LRP1B: variants seen among roughly 807,000 people sequenced by gnomAD.
LRP1B encodes the protein LDL receptor related protein 1B, also known as low-density lipoprotein receptor-related protein 1B.
LRP1B carries 217 observed loss-of-function variants against 556.6 expected under a neutral mutation model. The ratio of observed to expected loss-of-function variants is 0.39; its 90% CI spans 0.35 to 0.44. The LOEUF (loss-of-function observed/expected upper bound fraction) is 0.44, where lower values mean the gene tolerates loss of function less well. Among genes scored for constraint, LRP1B ranks in the 20% least tolerant of loss-of-function variants. The pLI, the probability that LRP1B is intolerant of heterozygous loss-of-function variation, is 1.00. For synonymous variants in LRP1B, 2,047 were observed against 1,865.8 expected (o/e 1.10, Z -2.50); for missense variants, 5,053 against 5,620.8 (o/e 0.90, Z 3.23).
At position 140,997,100 on chromosome 2, in the gene LRP1B, A is replaced by G. The variant is rs368099460; in HGVS notation, c.2504-2965T>C. Among the ~76,000 whole-genome samples, 8 of 152,010 alleles carry G rather than the reference A, an allele frequency of 5.3e-5. No individual in the cohort carries two copies. The East Asian group carries it at 1.5e-3, about 29-fold the overall frequency. On this transcript the variant is annotated intron_variant, in intron 15 of 90. Transcript: ENST00000389484. ...AAAAATTCTACAGTATGATCTCACC[A>G]ATAAAAAATTGACAAAGTAATAAAT...
intron 2 of LRP1B, among the ~76,000 whole-genome samples, chr2:141,677,352 C>A (rs1038270091): frequency 2.0e-5 from 3 of 152,024 alleles, no homozygotes; most frequent in Non-Finnish European, 4.4e-5. Flanking sequence ...CCATATTGTG[C>A]AAAGTTTGTC....
At chr2:141,117,483 G>A (rs1287974108) in intron 7 of LRP1B, among the ~76,000 whole-genome samples, 1 of 151,670 alleles carries the variant, frequency 6.6e-6, no homozygotes, top group Admixed American at 6.6e-5. Context: ...AAATAAGAAA[G>A]CAATTACACA....
intron 67 of LRP1B, among the ~76,000 whole-genome samples, chr2:140,382,152 T>C (rs1424333161): frequency 6.6e-6 from 1 of 152,202 alleles, no homozygotes; most frequent in Non-Finnish European, 1.5e-5. Flanking sequence ...ATGTCGATGT[T>C]AGCATTTGAC....
Position 141,735,451 on chromosome 2 carries a change from G to A in LRP1B, c.205+74828C>T, listed in dbSNP as rs117617668. ...ATTCACACATTTTCCAATAGAAGAT[G>A]GAACTATAAGCAAATCAAGGCAAAG... On this transcript the variant is annotated intron_variant, in intron 2 of 90. Transcript: ENST00000389484. Among the ~76,000 whole-genome samples, 28 of 131,958 alleles carry A rather than the reference G, an allele frequency of 2.1e-4. No individual in the cohort carries two copies. The East Asian group carries it at 6.7e-3, about 32-fold the overall frequency. The allele number at this position is 131,958 out of a possible 152,430, so 86.6% of individuals were successfully genotyped here. A position where few individuals can be genotyped will look rare whatever the true frequency, so the allele number is the denominator to read the frequency against.
intron 41 of LRP1B, among the ~76,000 whole-genome samples, chr2:140,606,849 T>A (rs752537004): frequency 6.6e-5 from 10 of 151,810 alleles, no homozygotes; most frequent in Non-Finnish European, 1.5e-4. Context: ...ATGATGAAAC[T>A]CTTAGGATAA....
chr2:140,250,452 A>G (rs890954719), intron 86 of LRP1B, among the ~76,000 whole-genome samples: 3 of 151,766 alleles, frequency 2.0e-5, no homozygotes, highest in Non-Finnish European at 2.9e-5. Flanking sequence ...AAATGAAGGT[A>G]CTGCTCTTAG....
intron 2 of LRP1B, among the ~76,000 whole-genome samples, chr2:141,583,925 C>G (rs550482682): frequency 6.9e-6 from 1 of 145,752 alleles, no homozygotes; most frequent in Admixed American, 6.7e-5. Context: ...TTTTTAGTAG[C>G]GATGGGGTTT....
rs543180121 is a variant in LRP1B at position 140,283,747 on chromosome 2, C to G, written c.12968-9149G>C. On this transcript the variant is annotated intron_variant, in intron 84 of 90. Coordinates refer to ENST00000389484, the MANE Select transcript of LRP1B (RefSeq NM_018557.3). ...AATAGTTTTCAAAATAGTCAAAAAT[C>G]AACTCATAGAGCTATCATAACAATG... 8.6e-5 allele frequency among the ~76,000 whole-genome samples: 13 copies of G among 151,848 alleles called. No individual in the cohort carries two copies. In the South Asian group the frequency reaches 1.5e-3, roughly 17 times the overall value.
intron 67 of LRP1B, among the ~76,000 whole-genome samples, chr2:140,385,135 G>A (rs1465621808): frequency 6.6e-6 from 1 of 152,056 alleles, no homozygotes; most frequent in African/African-American, 2.4e-5. Flanking sequence ...CGTAGTCCCA[G>A]CTGGAAGGTT....
At chr2:141,269,410 C>A (rs1685005945) in intron 3 of LRP1B, among the ~76,000 whole-genome samples, 1 of 152,216 alleles carries the variant, frequency 6.6e-6, no homozygotes, top group Non-Finnish European at 1.5e-5. Flanking sequence ...ACTAATAGAA[C>A]AATCAGCTGA....
chr2:140,591,221 C>T lies in LRP1B; in HGVS notation c.7194+7410G>A, dbSNP rs1009214245. Among the ~76,000 whole-genome samples the T allele has an allele frequency of 1.6e-4, 24 of 152,180 alleles. 1 individual carries two copies. Among genetic ancestry groups the T allele is most frequent in the South Asian group, 1.0e-3 (5 of 4,830 alleles). ...CAACAAAACGTCCGATATCCAGCAG[C>T]CTCTCAGAATTTAGTAGATAATGGG... On this transcript the variant is annotated intron_variant, in intron 43 of 90. Coordinates refer to ENST00000389484, the MANE Select transcript of LRP1B (RefSeq NM_018557.3).
chr2:141,759,088 C>T (rs944305954), intron 2 of LRP1B, among the ~76,000 whole-genome samples: 4 of 151,798 alleles, frequency 2.6e-5, no homozygotes, highest in Non-Finnish European at 5.9e-5. Flanking sequence ...TAAAAAATGA[C>T]AAAAAATAAA....
chr2:140,456,673 A>C (rs1160975998), intron 61 of LRP1B, 70 bp from the exon 62 acceptor site: 4 of 1,393,358 alleles, frequency 2.9e-6, no homozygotes, highest in Admixed American at 2.1e-5. Flanking sequence ...ATGGGATTAG[A>C]GATAGGACTT....
chr2:140,745,285 G>A (rs886916894), intron 35 of LRP1B, among the ~76,000 whole-genome samples: 1 of 152,084 alleles, frequency 6.6e-6, no homozygotes, highest in African/African-American at 2.4e-5. Context: ...CCCTTTCAAA[G>A]TAATCAACTA....
Position 142,096,439 on chromosome 2 carries a change from A to ATTTT in LRP1B, c.82+34205_82+34208dup, listed in dbSNP as rs10631216. Among the ~76,000 whole-genome samples the ATTTT allele has an allele frequency of 4.8e-5, 7 of 146,832 alleles. 1 individual carries two copies. The highest frequency in any genetic ancestry group is 3.4e-4 in the Admixed American group (5 of 14,622). The stretch of plus-strand genomic sequence containing the variant: ...TCACATGACCACGAAAATAAATTGT[A>ATTTT]TTTTTTTTTTTTTACAAATTCTATT... On this transcript the variant is annotated intron_variant, in intron 1 of 90. Transcript: ENST00000389484.
chr2:141,268,628 T>G (rs1213337468), intron 3 of LRP1B, among the ~76,000 whole-genome samples: 1 of 152,096 alleles, frequency 6.6e-6, no homozygotes, highest in African/African-American at 2.4e-5. Context: ...TTAACACCCC[T>G]GAGAATAGTG....
intron 24 of LRP1B, among the ~76,000 whole-genome samples, chr2:140,885,199 C>T (rs1390381829): frequency 1.3e-5 from 2 of 152,030 alleles, no homozygotes; most frequent in African/African-American, 2.4e-5. Flanking sequence ...TATAAGTTTA[C>T]ATATCATAAT....
intron 20 of LRP1B, 113 bp downstream of exon 20, chr2:140,950,122 A>G: frequency 1.4e-6 from 1 of 724,740 alleles, no homozygotes; most frequent in Admixed American, 3.4e-5. Flanking sequence ...CCACATGTAT[A>G]TTCTTGCCTA....
chr2:141,602,532 T>C (rs769932548), intron 2 of LRP1B, among the ~76,000 whole-genome samples: 26 of 152,340 alleles, frequency 1.7e-4, no homozygotes, highest in Non-Finnish European at 3.7e-4. Context: ...TCCTATTCAC[T>C]ATGTATTGCT....
Sources: allele counts gnomAD v4.1 joint callset (sites outside exome capture counted in the v4.1 genomes callset), GRCh38; gene constraint gnomAD v4.1.1; transcripts MANE v1.5; gene names NCBI Gene and HGNC (gene_info 2026-07-23, HGNC 2026-07-21).